Variants in PCCA observed in about 807,000 individuals in gnomAD.
The protein encoded by PCCA is propionyl-CoA carboxylase alpha chain, mitochondrial.
PCCA carries 74 observed loss-of-function variants against 101.3 expected under a neutral mutation model. That is an observed-to-expected ratio of 0.73 (90% CI 0.61 to 0.89). The LOEUF is 0.89. PCCA is among the 40% of genes least tolerant of loss of function. The pLI is 0.00. For synonymous variants in PCCA, 294 were observed against 313.6 expected (o/e 0.94, Z 0.66); for missense variants, 891 against 907.0 (o/e 0.98, Z 0.23).
chr13:100,438,247 CAG>C (rs1475133493), intron 20 of PCCA, among the ~76,000 whole-genome samples: 1 of 151,980 alleles, frequency 6.6e-6, no homozygotes, highest in East Asian at 1.9e-4. Context: ...CTCAACCTCC[CAG>C]ACTCAACTGA....
chr13:100,220,645 C>A (rs140295217), intron 7 of PCCA, among the ~76,000 whole-genome samples: 4 of 152,210 alleles, frequency 2.6e-5, no homozygotes, highest in Non-Finnish European at 5.9e-5. Context: ...TATTTGTTTC[C>A]CCTTTCTAAT....
intron 7 of PCCA, among the ~76,000 whole-genome samples, chr13:100,231,996 G>T (rs2060497931): frequency 6.6e-6 from 1 of 152,110 alleles, no homozygotes; most frequent in Admixed American, 6.5e-5. Flanking sequence ...ACTCCAACTT[G>T]CTACCCCCGC....
chr13:100,484,916 C>T (rs1009276697), intron 21 of PCCA, among the ~76,000 whole-genome samples: 1 of 142,312 alleles, frequency 7.0e-6, no homozygotes. Flanking sequence ...TTTATTGCTC[C>T]CTGTTTGATG....
intron 1 of PCCA, among the ~76,000 whole-genome samples, chr13:100,094,228 CA>C (rs1219610982): frequency 0.18 from 9,716 of 54,104 alleles, 228 homozygotes; most frequent in Middle Eastern, 0.31. Flanking sequence ...AAATCTGTCT[CA>C]AAAAAAAAAA....
intron 21 of PCCA, among the ~76,000 whole-genome samples, chr13:100,507,238 A>G (rs1428757775): frequency 2.0e-5 from 3 of 152,218 alleles, no homozygotes; most frequent in African/African-American, 7.2e-5. Context: ...GCCTTTGTGG[A>G]AGTGAAAGTG....
At chr13:100,133,596 T>C (rs1391539741) in intron 4 of PCCA, among the ~76,000 whole-genome samples, 1 of 152,212 alleles carries the variant, frequency 6.6e-6, no homozygotes, top group Admixed American at 6.5e-5. Flanking sequence ...TTTGTTTTTT[T>C]GCATATAGAT....
intron 2 of PCCA, among the ~76,000 whole-genome samples, chr13:100,105,387 AGCTATCCT>A (rs1284921930): frequency 6.6e-6 from 1 of 152,208 alleles, no homozygotes; most frequent in East Asian, 1.9e-4. Flanking sequence ...CGAAGTAATC[AGCTATCCT>A]AAGTGGCTAC....
rs144499764 is a variant in PCCA at position 100,212,933 on chromosome 13, T to C, written c.600+3470T>C. On this transcript the variant is annotated intron_variant, in intron 7 of 23. Transcript: ENST00000376285. ...CAATCATCATTCTACTCTCTATCACTGTGAGTTCAACTATGTTAATTTTTA... is the reference window on the plus strand; with the variant it reads ...CAATCATCATTCTACTCTCTATCACCGTGAGTTCAACTATGTTAATTTTTA... 4.9e-3 allele frequency among the ~76,000 whole-genome samples: 748 copies of C among 151,492 alleles called. 4 individuals are homozygous for C. The highest frequency in any genetic ancestry group is 6.5e-3 in the South Asian group (31 of 4,746).
At chr13:100,529,592 C>T (rs901879601) in intron 23 of PCCA, among the ~76,000 whole-genome samples, 1 of 152,214 alleles carries the variant, frequency 6.6e-6, no homozygotes, top group Non-Finnish European at 1.5e-5. Flanking sequence ...GACTCCATTT[C>T]CCTTCAGAAA....
At chr13:100,296,416 A>ATT (rs764824813) in intron 12 of PCCA, among the ~76,000 whole-genome samples, 9 of 134,670 alleles carry the variant, frequency 6.7e-5, no homozygotes, top group East Asian at 2.2e-4. Flanking sequence ...ATTTTTTTGT[A>ATT]TTTTTTTTTT....
chr13:100,110,096 G>T (rs1566487355), intron 2 of PCCA, among the ~76,000 whole-genome samples: 1 of 152,110 alleles, frequency 6.6e-6, no homozygotes, highest in East Asian at 1.9e-4. Context: ...TCGTACCACT[G>T]CACTCCAGCC....
intron 4 of PCCA, among the ~76,000 whole-genome samples, chr13:100,134,560 T>C (rs952140198): frequency 2.6e-5 from 4 of 152,174 alleles, no homozygotes; most frequent in African/African-American, 4.8e-5. Context: ...TTTTCTTTGT[T>C]GGTGGTGGTA....
At chr13:100,279,442 A>T (rs1431866167) in intron 12 of PCCA, among the ~76,000 whole-genome samples, 2 of 152,284 alleles carry the variant, frequency 1.3e-5, no homozygotes, top group African/African-American at 4.8e-5. Flanking sequence ...ATTCTTACAT[A>T]TTCCAAAGAT....
At chr13:100,397,960 G>C (rs1443917379) in intron 19 of PCCA, among the ~76,000 whole-genome samples, 3 of 152,186 alleles carry the variant, frequency 2.0e-5, no homozygotes, top group Non-Finnish European at 4.4e-5. Flanking sequence ...ATGATGATTT[G>C]AGAACTGGCA....
intron 7 of PCCA, among the ~76,000 whole-genome samples, chr13:100,226,598 G>A (rs1318288147): frequency 1.3e-5 from 2 of 152,192 alleles, no homozygotes; most frequent in African/African-American, 4.8e-5. Flanking sequence ...GCAATACCGA[G>A]TTCGTAGATC....
At chr13:100,271,014 C>T (rs184782045) in intron 11 of PCCA, among the ~76,000 whole-genome samples, 2 of 151,890 alleles carry the variant, frequency 1.3e-5, no homozygotes, top group East Asian at 3.9e-4. Flanking sequence ...TTCTCCCCCA[C>T]CCCCCGAAAA....
rs559386576 is a variant in PCCA, at chr13:100,100,246, A to C, written c.106-2637A>C. Among the ~76,000 whole-genome samples, 18 of 152,276 alleles carry C rather than the reference A, an allele frequency of 1.2e-4. No homozygotes were observed. In the South Asian group the frequency reaches 3.5e-3, roughly 30 times the overall value. ...ACTCTGAGGGTCAATGCCACTTCCT[A>C]TGTGCCAAGCCATTTTCAGGCATTT... On this transcript the variant is annotated intron_variant, in intron 1 of 23. Coordinates refer to ENST00000376285, the MANE Select transcript of PCCA (RefSeq NM_000282.4).
Position 100,516,760 on chromosome 13 carries a change from TA to T in PCCA, c.2040+1195del, listed in dbSNP as rs758685971. On this transcript the variant is annotated intron_variant, in intron 22 of 23. Coordinates refer to ENST00000376285, the MANE Select transcript of PCCA (RefSeq NM_000282.4). ...ACGTGTGTGTGTGTGTGTGTGTGTG[TA>T]ATGTGTGTAAAATTCAGGGGAGGAC... is the stretch of plus-strand genomic sequence containing the variant. Among the ~76,000 whole-genome samples the T allele has an allele frequency of 3.8e-3, 562 of 147,008 alleles. 3 individuals are homozygous for T. The highest frequency in any genetic ancestry group is 8.3e-3 in the African/African-American group (329 of 39,752).
At chr13:100,487,398 C>G (rs955424539) in intron 21 of PCCA, among the ~76,000 whole-genome samples, 5 of 152,282 alleles carry the variant, frequency 3.3e-5, no homozygotes, top group African/African-American at 1.2e-4. Flanking sequence ...GACGTGTTAA[C>G]CAAGTTTCTG....
Sources: allele counts gnomAD v4.1 joint callset (sites outside exome capture counted in the v4.1 genomes callset), GRCh38; gene constraint gnomAD v4.1.1; transcripts MANE v1.5; gene names NCBI Gene and HGNC (gene_info 2026-07-23, HGNC 2026-07-21).